Variants in ACSL3 observed in about 807,000 individuals in gnomAD.
The protein encoded by ACSL3 is acyl-CoA synthetase long chain family member 3.
Under a neutral mutation model 84.7 loss-of-function variants are expected in ACSL3, and 34 were observed. The ratio of observed to expected loss-of-function variants is 0.40; its 90% CI spans 0.31 to 0.53. ACSL3 has a LOEUF of 0.53. ACSL3 is among the 20% of genes least tolerant of loss of function. The pLI, the probability that ACSL3 is intolerant of heterozygous loss-of-function variation, is 0.48. For synonymous variants in ACSL3, 315 were observed against 299.4 expected (o/e 1.05, Z -0.54); for missense variants, 680 against 873.1 (o/e 0.78, Z 2.79).
intron 8 of ACSL3, 68 bp downstream of exon 8, chr2:222,921,498 C>A: frequency 1.4e-6 from 2 of 1,423,760 alleles, no homozygotes; most frequent in South Asian, 3.3e-5. Flanking sequence ...GCATTTGTGT[C>A]ATTTTATTAA....
intron 7 of ACSL3, chr2:222,921,029 G>T: frequency 1.7e-6 from 1 of 592,010 alleles, no homozygotes; most frequent in Non-Finnish European, 3.3e-6. Flanking sequence ...AGCATCTATT[G>T]TCATCTTCTC....
At chr2:222,936,884 G>T (rs1191890586) in intron 16 of ACSL3, among the ~76,000 whole-genome samples, 1 of 152,032 alleles carries the variant, frequency 6.6e-6, no homozygotes, top group Non-Finnish European at 1.5e-5. Context: ...AAAGCGAAGG[G>T]GGAAGAGCCC....
At chr2:222,936,955 G>A (rs1244143316) in intron 16 of ACSL3, among the ~76,000 whole-genome samples, 2 of 152,064 alleles carry the variant, frequency 1.3e-5, no homozygotes, top group Admixed American at 1.3e-4. Flanking sequence ...TGGAGAAACC[G>A]CACCCATGAT....
At chr2:222,870,233 A>G (rs987180338) in intron 1 of ACSL3, among the ~76,000 whole-genome samples, 6 of 151,116 alleles carry the variant, frequency 4.0e-5, no homozygotes, top group Admixed American at 2.6e-4. Flanking sequence ...TACCTGTGCC[A>G]TATTTATTTC....
chr2:222,866,747 C>CCCT (rs1695154974), intron 1 of ACSL3, among the ~76,000 whole-genome samples: 4 of 49,278 alleles, frequency 8.1e-5, no homozygotes, highest in Non-Finnish European at 1.7e-4. Context: ...CTGCCCTGCC[C>CCCT]CCCCCGCCCC....
rs1331091605 is a variant in ACSL3, at chr2:222,932,743, A to G, written c.1733-423A>G. ...TCAGGAGATCGAGACCATCCTGGCT[A>G]ACAAGGTGAAACCCCGTCTCTACTA... On this transcript the variant is annotated intron_variant, in intron 14 of 16. Transcript: ENST00000357430. Among the ~76,000 whole-genome samples, 6 of 7,650 alleles carry G rather than the reference A, an allele frequency of 7.8e-4. 3 individuals are homozygous for G. The East Asian group carries it at 0.43, about 546-fold the overall frequency. The allele number at this position is 7,650 out of a possible 152,430, so 5.0% of individuals were successfully genotyped here.
intron 16 of ACSL3, among the ~76,000 whole-genome samples, chr2:222,938,488 C>T (rs754083633): frequency 5.3e-5 from 8 of 152,080 alleles, no homozygotes; most frequent in Non-Finnish European, 8.8e-5. Context: ...TATTTTCTAA[C>T]CTGCCAGTTT....
intron 1 of ACSL3, among the ~76,000 whole-genome samples, chr2:222,874,071 G>T (rs977624275): frequency 6.6e-6 from 1 of 152,020 alleles, no homozygotes; most frequent in Non-Finnish European, 1.5e-5. Context: ...ACCCAGGCTG[G>T]AGTGCAGTGA....
At chr2:222,890,612 T>TGG (rs1559283821) in intron 2 of ACSL3, among the ~76,000 whole-genome samples, 1 of 152,076 alleles carries the variant, frequency 6.6e-6, no homozygotes, top group Non-Finnish European at 1.5e-5. Context: ...TATTTCACCC[T>TGG]GGGGGAAAGA....
At position 222,934,686 on chromosome 2, in the gene ACSL3, A is replaced by G. The variant is rs749338720; in HGVS notation, c.2004A>G (p.Ser668=). Residue 668 remains serine, a splice_region_variant and synonymous_variant, in exon 16 of 17, where the codon TCA becomes TCG. Coordinates refer to ENST00000357430, the MANE Select transcript of ACSL3 (RefSeq NM_004457.5). The part of the protein sequence containing the change: ...VLKVLSEAAI[S]ASLEKFEIPV... ...AAGTGCTTTCCGAAGCTGCTATTTC[A>G]GGTGAGTATTCGGTTAAACTGATAC... is the stretch of plus-strand genomic sequence containing the variant. 89 of 1,607,190 alleles carry G rather than the reference A, an allele frequency of 5.5e-5. No individual in the cohort carries two copies. Among genetic ancestry groups the G allele is most frequent in the Admixed American group, 1.0e-4 (6 of 58,932 alleles).
intron 2 of ACSL3, among the ~76,000 whole-genome samples, chr2:222,893,170 C>T (rs879569984): frequency 2.6e-5 from 4 of 152,098 alleles, no homozygotes; most frequent in Non-Finnish European, 5.9e-5. Flanking sequence ...CAAGATGCAC[C>T]GTCTGCAGTA....
At chr2:222,884,926 C>T (rs1032820546) in intron 1 of ACSL3, among the ~76,000 whole-genome samples, 2 of 152,170 alleles carry the variant, frequency 1.3e-5, no homozygotes, top group Non-Finnish European at 1.5e-5. Context: ...GTCTTCTCCA[C>T]CCTAGACAAA....
At chr2:222,869,629 G>A (rs1477877049) in intron 1 of ACSL3, among the ~76,000 whole-genome samples, 2 of 152,242 alleles carry the variant, frequency 1.3e-5, no homozygotes, top group African/African-American at 2.4e-5. Flanking sequence ...AAAGGACAGA[G>A]AGGTCATGTT....
In ACSL3 at chr2:222,942,074, T is replaced by A. The variant is rs1559308012; in HGVS notation, c.*420T>A. 3 of 216,764 alleles carry A rather than the reference T, an allele frequency of 1.4e-5. No homozygotes were observed. The South Asian group carries it at 5.6e-4, about 40-fold the overall frequency. The allele number at this position is 216,764 out of a possible 1,614,324, so 13.4% of individuals were successfully genotyped here. On this transcript the variant is annotated 3_prime_UTR_variant, in exon 17 of 17. Transcript: ENST00000357430. ...TTGGGGGCTTTTTTACTTACTGTAT[T>A]TAAAAATACAAGGGTATTGATATGA... is the stretch of plus-strand genomic sequence containing the variant.
intron 2 of ACSL3, 35 bp downstream of exon 2, chr2:222,887,923 T>A (rs969829366): frequency 1.1e-4 from 17 of 152,296 alleles, no homozygotes; most frequent in African/African-American, 3.6e-4. Flanking sequence ...AATAGATTTC[T>A]TTTATTTGTT....
intron 11 of ACSL3, among the ~76,000 whole-genome samples, 154 bp downstream of exon 11, chr2:222,924,749 C>T (rs528222069): frequency 2.0e-5 from 3 of 152,238 alleles, no homozygotes; most frequent in South Asian, 4.1e-4. Flanking sequence ...CCAGGCCAGG[C>T]GCGGTGGCTC....
chr2:222,941,153 T>C (rs945794802), intron 16 of ACSL3, among the ~76,000 whole-genome samples: 4 of 152,098 alleles, frequency 2.6e-5, no homozygotes, highest in African/African-American at 9.7e-5. Flanking sequence ...TGGCCTTGAA[T>C]TCCTGGCCTC....
intron 4 of ACSL3, among the ~76,000 whole-genome samples, chr2:222,911,846 A>G (rs1345502288): frequency 6.6e-6 from 1 of 152,228 alleles, no homozygotes; most frequent in African/African-American, 2.4e-5. Context: ...TTTGTATTCA[A>G]TGATTATTCA....
chr2:222,861,992 A>G (rs938974791), intron 1 of ACSL3, among the ~76,000 whole-genome samples: 1 of 152,180 alleles, frequency 6.6e-6, no homozygotes, highest in Non-Finnish European at 1.5e-5. Context: ...TGGTTTTCGC[A>G]GGAAGTCTGA....
Sources: allele counts gnomAD v4.1 joint callset (sites outside exome capture counted in the v4.1 genomes callset), GRCh38; gene constraint gnomAD v4.1.1; transcripts MANE v1.5; gene names NCBI Gene and HGNC (gene_info 2026-07-23, HGNC 2026-07-21).